The following SEL1L variants were observed in gnomAD, a reference collection of about 807,000 sequenced individuals.
SEL1L encodes protein sel-1 homolog 1.
Under a neutral mutation model 109.8 loss-of-function variants are expected in SEL1L, and 52 were observed. That is an observed-to-expected ratio of 0.47 (90% CI 0.38 to 0.60). The LOEUF is 0.60. Among genes scored for constraint, SEL1L ranks in the 20% least tolerant of loss-of-function variants. SEL1L has a pLI of 0.00. For synonymous variants in SEL1L, 373 were observed against 339.6 expected, an observed-to-expected ratio of 1.10 and a Z score of -1.08; for missense variants, 749 against 962.2, an observed-to-expected ratio of 0.78 and a Z score of 2.93.
intron 3 of SEL1L, among the ~76,000 whole-genome samples, chr14:81,521,088 T>C (rs1884890146): frequency 6.6e-6 from 1 of 152,246 alleles, no homozygotes; most frequent in Non-Finnish European, 1.5e-5. Flanking sequence ...TCTCTGATTC[T>C]TGTAAGTTCA....
At chr14:81,521,702 A>C (rs760762875) in intron 3 of SEL1L, among the ~76,000 whole-genome samples, 1 of 152,260 alleles carries the variant, frequency 6.6e-6, no homozygotes, top group African/African-American at 2.4e-5. Flanking sequence ...CGTACGGTAC[A>C]TAACACTTGA....
In SEL1L at chr14:81,473,985, C is replaced by T. The variant is rs1903081973; in HGVS notation, c.*2987G>A. 6.6e-6 allele frequency: 1 copy of T among 151,776 alleles called. No homozygotes were observed. The allele number at this position is 151,776 out of a possible 1,614,324, so 9.4% of individuals were successfully genotyped here. On this transcript the variant is annotated 3_prime_UTR_variant, in exon 21 of 21. Coordinates refer to ENST00000336735, the MANE Select transcript of SEL1L (RefSeq NM_005065.6). ...TCACCAGATCACTGGCAGGGGTTTC[C>T]AAAACTTCCCAACAGTACAGAGACA...
intron 3 of SEL1L, among the ~76,000 whole-genome samples, chr14:81,521,554 T>C (rs2140052688): frequency 6.6e-6 from 1 of 152,338 alleles, no homozygotes; most frequent in East Asian, 1.9e-4. Context: ...ATTATATCGC[T>C]GACAAATTCC....
At chr14:81,508,978 T>A (rs1884352493) in intron 3 of SEL1L, among the ~76,000 whole-genome samples, 1 of 152,190 alleles carries the variant, frequency 6.6e-6, no homozygotes. Flanking sequence ...GATTCAGCAC[T>A]GACATAAGGA....
chr14:81,486,440 T>C lies in SEL1L; in HGVS notation c.1647A>G (p.Val549=). 1.2e-6 allele frequency: 2 copies of C among 1,613,948 alleles called. No homozygotes were observed. Among genetic ancestry groups the C allele is most frequent in the Non-Finnish European group, 1.7e-6 (2 of 1,179,920 alleles). Residue 549 remains valine (V), a synonymous_variant, in exon 17 of 21, where the codon GTA becomes GTG. Coordinates refer to ENST00000336735, the MANE Select transcript of SEL1L (RefSeq NM_005065.6). ...TTTCAGACCAACGGCCTCGTTCACA[T>C]ACATTCTTAAACAACTGTGTGAGGT... ...CHTAVELFKN[V]CERGRWSERL... is the part of the protein sequence containing the mutation.
intron 3 of SEL1L, among the ~76,000 whole-genome samples, chr14:81,512,083 G>C (rs1169007608): frequency 6.6e-6 from 1 of 152,146 alleles, no homozygotes; most frequent in Non-Finnish European, 1.5e-5. Flanking sequence ...ACCTGGCTGG[G>C]CCATAGTGCC....
chr14:81,478,394 T>G (rs1269404062), intron 20 of SEL1L, among the ~76,000 whole-genome samples: 2 of 152,096 alleles, frequency 1.3e-5, no homozygotes, highest in Non-Finnish European at 2.9e-5. Context: ...TTATGGGGCG[T>G]TTTTACTGTC....
At chr14:81,494,528 G>C (rs1883666351) in intron 11 of SEL1L, among the ~76,000 whole-genome samples, 5 of 152,160 alleles carry the variant, frequency 3.3e-5, no homozygotes, top group Non-Finnish European at 7.3e-5. Context: ...CTTAATCTCA[G>C]TTCTGTTTCA....
chr14:81,477,330 T>TGTGTGTGC, intron 20 of SEL1L, 149 bp from the exon 21 acceptor site: 2 of 644,492 alleles, frequency 3.1e-6, no homozygotes, highest in Non-Finnish European at 5.3e-6. Flanking sequence ...TGTGTGTGTG[T>TGTGTGTGC]GTGTGTTTAA....
intron 19 of SEL1L, among the ~76,000 whole-genome samples, chr14:81,480,864 C>T (rs1317673830): frequency 1.3e-5 from 2 of 152,134 alleles, no homozygotes; most frequent in Admixed American, 6.5e-5. Context: ...TTCTCTGCTT[C>T]GCTTTGCTAA....
chr14:81,507,053 T>C (rs1436108688), intron 3 of SEL1L, among the ~76,000 whole-genome samples: 1 of 152,046 alleles, frequency 6.6e-6, no homozygotes, highest in Non-Finnish European at 1.5e-5. Context: ...GTGGGGTGGG[T>C]AGGAGTACTC....
At chr14:81,501,237 GA>G (rs1883993620) in intron 6 of SEL1L, among the ~76,000 whole-genome samples, 1 of 152,190 alleles carries the variant, frequency 6.6e-6, no homozygotes, top group African/African-American at 2.4e-5. Context: ...GCATGAGCAA[GA>G]AATAACTCTC....
At chr14:81,521,874 T>C (rs1884918643) in intron 3 of SEL1L, among the ~76,000 whole-genome samples, 2 of 152,202 alleles carry the variant, frequency 1.3e-5, no homozygotes, top group Admixed American at 1.3e-4. Context: ...GAGATGACAG[T>C]TCCATGCCTG....
intron 5 of SEL1L, among the ~76,000 whole-genome samples, chr14:81,503,279 C>T (rs1301376426): frequency 6.6e-6 from 1 of 152,152 alleles, no homozygotes; most frequent in South Asian, 2.1e-4. Flanking sequence ...GCCTAGCCAC[C>T]CCCTCTGATA....
chr14:81,477,228 G>A (rs767938836), intron 20 of SEL1L, 47 bp from the exon 21 acceptor site: 1 of 1,472,808 alleles, frequency 6.8e-7, no homozygotes, highest in East Asian at 2.3e-5. Flanking sequence ...AAAATGTCAG[G>A]CAAGGAACTG....
rs114866215 is a variant in SEL1L at position 81,527,726 on chromosome 14, C to T, written c.83G>A (p.Ser28Asn). 3,244 of 1,602,522 alleles carry T rather than the reference C, an allele frequency of 2.0e-3. 14 individuals carry two copies. The highest frequency in any genetic ancestry group is 9.4e-3 in the African/African-American group (698 of 74,482). ...CTTGGAATCTAAGGATTCATCCTGGCTGCCTTCTTCATCTGCAAAGAAATT... is the reference window on the plus strand; with the variant it reads ...CTTGGAATCTAAGGATTCATCCTGGTTGCCTTCTTCATCTGCAAAGAAATT... ...LASASSDEEG[S>N]QDESLDSKTT... is the part of the protein sequence containing the mutation. The change falls in exon 2 of 21, where the codon AGC (serine) becomes AAC (asparagine). Residue 28 changes from serine to asparagine, a missense_variant. By Grantham distance (46) the Ser-to-Asn change is conservative. Around this residue, in one of 2 missense-constraint regions of SEL1L, gnomAD observed 366 missense variants for 399.8 expected, o/e 0.92. Coordinates refer to ENST00000336735, the MANE Select transcript of SEL1L (RefSeq NM_005065.6).
At chr14:81,503,346 A>AT (rs953200086) in intron 5 of SEL1L, among the ~76,000 whole-genome samples, 9 of 151,014 alleles carry the variant, frequency 6.0e-5, no homozygotes, top group Middle Eastern at 6.8e-3. Flanking sequence ...CCTTTTTTTA[A>AT]TTTTTTTTTG....
chr14:81,484,220 C>G lies in SEL1L; in HGVS notation c.2046+5G>C. On this transcript the variant is annotated splice_donor_5th_base_variant and intron_variant, in intron 19 of 20. Coordinates refer to ENST00000336735, the MANE Select transcript of SEL1L (RefSeq NM_005065.6). ...GATTCAAACGTGTTTGGAAGCCACA[C>G]TCACCTGTTTAATGCCCAGTCCTTT... 6.3e-7 allele frequency: 1 copy of G among 1,598,644 alleles called. No individual in the cohort carries two copies. The highest frequency in any genetic ancestry group is 8.6e-7 in the Non-Finnish European group (1 of 1,167,700).
rs764387104 is a variant in SEL1L, at chr14:81,471,547, T to C, written c.*5425A>G. Reference sequence around the variant, plus strand: ...AGAGAGGAGGCAGTGGGAAACCGGATTGAGCAGCAACAAATTATTTATATG... The same window carrying C: ...AGAGAGGAGGCAGTGGGAAACCGGACTGAGCAGCAACAAATTATTTATATG... On this transcript the variant is annotated 3_prime_UTR_variant, in exon 21 of 21. Transcript: ENST00000336735. The C allele has an allele frequency of 2.0e-5, 3 of 152,204 alleles. No individual in the cohort carries two copies. Among genetic ancestry groups the C allele is most frequent in the African/African-American group, 7.2e-5 (3 of 41,448 alleles). 9.4% of individuals were successfully genotyped at this position (152,204 alleles called of 1,614,324 possible). A position where few individuals can be genotyped will look rare whatever the true frequency, so the allele number is the denominator to read the frequency against.
Sources: gnomAD v4.1 joint callset for allele counts (sites outside exome capture counted in the v4.1 genomes callset) on GRCh38, gnomAD v4.1.1 for gene constraint, gnomAD v4.1.1 regional missense constraint, MANE v1.5 for transcripts, NCBI Gene and HGNC (gene_info 2026-07-23, HGNC 2026-07-21) for gene names.